The following ANKFN1 variants were observed in gnomAD, a reference collection of about 807,000 sequenced individuals.
The protein encoded by ANKFN1 is ankyrin repeat and fibronectin type-III domain-containing protein 1.
A neutral mutation model predicts 108.7 loss-of-function variants in ANKFN1; 74 were observed. The observed-to-expected ratio is 0.68, with a 90% confidence interval of 0.56 to 0.83. The LOEUF is 0.83. Among genes scored for constraint, ANKFN1 ranks in the 40% least tolerant of loss-of-function variants. The pLI, the probability that ANKFN1 is intolerant of heterozygous loss-of-function variation, is 0.00. For synonymous variants in ANKFN1, 547 were observed against 516.2 expected (o/e 1.06, Z -0.81); for missense variants, 1,505 against 1,382.3 (o/e 1.09, Z -1.41).
At chr17:56,326,156 C>A in intron 3 of ANKFN1, 65 bp from the exon 4 acceptor site, 1 of 1,534,870 alleles carries the variant, frequency 6.5e-7, no homozygotes, top group Non-Finnish European at 8.7e-7. Flanking sequence ...TTAAGAGTAT[C>A]TTCATGATCA....
At chr17:56,477,721 C>T in intron 16 of ANKFN1, 67 bp downstream of exon 16, 1 of 1,536,080 alleles carries the variant, frequency 6.5e-7, no homozygotes, top group South Asian at 1.3e-5. Flanking sequence ...GCTTGATGTG[C>T]CAGAAGGAAA....
intron 8 of ANKFN1, among the ~76,000 whole-genome samples, chr17:56,401,451 A>T (rs1232737092): frequency 6.6e-6 from 1 of 151,760 alleles, no homozygotes; most frequent in Non-Finnish European, 1.5e-5. Flanking sequence ...CAGCTATTGT[A>T]AAAGGGGTTG....
chr17:56,139,594 G>A (rs1907796743), intron 4 of ANKFN1, among the ~76,000 whole-genome samples: 1 of 152,158 alleles, frequency 6.6e-6, no homozygotes, highest in Non-Finnish European at 1.5e-5. Context: ...GAAAGTGATA[G>A]AAGGTTGAAA....
intron 1 of ANKFN1, among the ~76,000 whole-genome samples, chr17:56,154,008 AT>A (rs1457042239): frequency 1.3e-5 from 2 of 149,882 alleles, no homozygotes; most frequent in Non-Finnish European, 3.0e-5. Context: ...GAGAAGTAAA[AT>A]TTTTTCTAAA....
At chr17:56,170,265 C>A (rs1377081579) in intron 1 of ANKFN1, among the ~76,000 whole-genome samples, 1 of 152,156 alleles carries the variant, frequency 6.6e-6, no homozygotes, top group African/African-American at 2.4e-5. Flanking sequence ...AGGCTCCCTG[C>A]CCCTTCAGGG....
intron 3 of ANKFN1, among the ~76,000 whole-genome samples, chr17:56,247,190 C>T (rs1285801643): frequency 6.6e-6 from 1 of 152,158 alleles, no homozygotes; most frequent in East Asian, 1.9e-4. Context: ...ATTGGCATTG[C>T]CGTGAAATCT....
chr17:56,410,956 T>C (rs1205401874), intron 8 of ANKFN1, among the ~76,000 whole-genome samples: 1 of 152,210 alleles, frequency 6.6e-6, no homozygotes, highest in Non-Finnish European at 1.5e-5. Flanking sequence ...TCCAGTTTTG[T>C]TATTTTTGCT....
chr17:56,095,057 A>G (rs1450979629), intron 4 of ANKFN1, among the ~76,000 whole-genome samples: 1 of 151,154 alleles, frequency 6.6e-6, no homozygotes, highest in Non-Finnish European at 1.5e-5. Flanking sequence ...TCACTCTAGT[A>G]TAAGCTTGTG....
At chr17:56,445,604 G>C (rs1020586651) in intron 10 of ANKFN1, among the ~76,000 whole-genome samples, 3 of 152,122 alleles carry the variant, frequency 2.0e-5, no homozygotes, top group African/African-American at 7.2e-5. Flanking sequence ...TATAAACAGA[G>C]TATGACATTG....
Position 56,514,353 on chromosome 17 carries a change from A to G in ANKFN1, c.*3084A>G, listed in dbSNP as rs1191039123. On this transcript the variant is annotated 3_prime_UTR_variant, in exon 21 of 21. Transcript: ENST00000682825. ...CTAAGAATGTAGCCATACATTCACC[A>G]TACATCTTCTCAACAATCTCTTAGA... 6.6e-6 allele frequency among the ~76,000 whole-genome samples: 1 copy of G among 152,172 alleles called. No homozygotes were observed. Among genetic ancestry groups the G allele is most frequent in the African/African-American group, 2.4e-5 (1 of 41,452 alleles).
At chr17:56,186,560 G>A (rs185976381) in intron 1 of ANKFN1, among the ~76,000 whole-genome samples, 7 of 152,290 alleles carry the variant, frequency 4.6e-5, no homozygotes, top group South Asian at 2.1e-4. Flanking sequence ...TGTATGAATC[G>A]TAGCAAAAAT....
At chr17:56,080,816 A>T (rs989972748) in intron 4 of ANKFN1, among the ~76,000 whole-genome samples, 1 of 152,228 alleles carries the variant, frequency 6.6e-6, no homozygotes, top group Admixed American at 6.5e-5. Flanking sequence ...TGGAAAATGC[A>T]TATAATGCAG....
chr17:56,220,837 A>T (rs1473458862), intron 2 of ANKFN1, among the ~76,000 whole-genome samples: 2 of 36,618 alleles, frequency 5.5e-5, no homozygotes, highest in African/African-American at 5.0e-4. Context: ...GAAGGGAGGA[A>T]GGGAGGGAGG....
rs2051798233 is a variant in ANKFN1 at position 56,512,256 on chromosome 17, A to C, written c.*987A>C. 1.3e-5 allele frequency among the ~76,000 whole-genome samples: 2 copies of C among 152,166 alleles called. No individual in the cohort carries two copies. Among genetic ancestry groups the C allele is most frequent in the African/African-American group, 4.8e-5 (2 of 41,440 alleles). On this transcript the variant is annotated 3_prime_UTR_variant, in exon 21 of 21. Coordinates refer to ENST00000682825, the MANE Select transcript of ANKFN1 (RefSeq NM_001370326.1). ...CATTGAACCAGAAAGTGCCCTGCAG[A>C]TACGGTCAGTCAGCAATGGGCTCCT...
intron 3 of ANKFN1, among the ~76,000 whole-genome samples, chr17:56,261,800 C>A (rs2043517896): frequency 6.6e-6 from 1 of 152,198 alleles, no homozygotes; most frequent in South Asian, 2.1e-4. Flanking sequence ...TGCATCTCCC[C>A]GTCCACTGAC....
chr17:56,300,699 T>A (rs2044648005), intron 3 of ANKFN1, among the ~76,000 whole-genome samples: 1 of 152,176 alleles, frequency 6.6e-6, no homozygotes, highest in Non-Finnish European at 1.5e-5. Flanking sequence ...AAATGTCATC[T>A]TTCACTGCTG....
intron 4 of ANKFN1, among the ~76,000 whole-genome samples, chr17:56,085,110 G>T (rs1428877572): frequency 6.7e-6 from 1 of 149,556 alleles, no homozygotes; most frequent in Non-Finnish European, 1.5e-5. Flanking sequence ...TATGTGCCAG[G>T]TTGTTCAGGA....
intron 3 of ANKFN1, among the ~76,000 whole-genome samples, chr17:56,271,787 G>C (rs566192375): frequency 6.6e-6 from 1 of 152,162 alleles, no homozygotes; most frequent in Non-Finnish European, 1.5e-5. Context: ...GATTGCATCC[G>C]GGGCTGGGTA....
intron 3 of ANKFN1, among the ~76,000 whole-genome samples, chr17:56,263,430 C>T (rs2043571797): frequency 6.6e-6 from 1 of 152,260 alleles, no homozygotes; most frequent in Non-Finnish European, 1.5e-5. Flanking sequence ...ACCATTAACA[C>T]CTATAATCTT....
Sources: gnomAD v4.1 joint callset for allele counts (sites outside exome capture counted in the v4.1 genomes callset) on GRCh38, gnomAD v4.1.1 for gene constraint, MANE v1.5 for transcripts, NCBI Gene and HGNC (gene_info 2026-07-23, HGNC 2026-07-21) for gene names.